The following ANK1 variants were observed in gnomAD, a reference collection of about 807,000 sequenced individuals.
ANK1 encodes the protein ankyrin-1.
In ANK1, 51 loss-of-function variants were observed where a neutral mutation model predicts 210.4. The observed-to-expected ratio is 0.24, with a 90% CI of 0.19 to 0.31. ANK1 has a LOEUF of 0.31. ANK1 is among the 10% of genes least tolerant of loss of function. ANK1 has a pLI of 1.00. For missense variants in ANK1, 2,051 were observed against 2,504.4 expected (o/e 0.82, Z 3.86); for synonymous variants, 967 against 1,025.9 (o/e 0.94, Z 1.10).
chr8:41,693,979 G>A lies in ANK1; in HGVS notation c.3451C>T (p.Leu1151=). ...FHRPIGLRIP[L]PPSWTDNPRD... ...GGGTTGTCGGTCCAGGAAGGAGGTA[G>A]TGGGATCCGAAGCCCAATGGGGCGG... is the stretch of plus-strand genomic sequence containing the variant. Residue 1151 remains leucine (L), a synonymous_variant, in exon 29 of 43, where the codon CTA becomes TTA. Coordinates refer to ENST00000289734, the MANE Select transcript of ANK1 (RefSeq NM_000037.4). 6.2e-7 allele frequency: 1 copy of A among 1,614,158 alleles called. No individual in the cohort carries two copies. Among genetic ancestry groups the A allele is most frequent in the Non-Finnish European group, 8.5e-7 (1 of 1,180,034 alleles).
intron 1 of ANK1, among the ~76,000 whole-genome samples, chr8:41,887,797 A>G (rs1818719837): frequency 6.6e-6 from 1 of 152,256 alleles, no homozygotes; most frequent in Non-Finnish European, 1.5e-5. Flanking sequence ...TCCTATTTTC[A>G]ATTAAAAGAA....
At chr8:41,896,315 G>T (rs1438347799) in intron 1 of ANK1, 1 of 1,576,392 alleles carries the variant, frequency 6.3e-7, no homozygotes, top group Non-Finnish European at 8.6e-7. Flanking sequence ...CCACTTGCAG[G>T]TGCCGCGGTC....
chr8:41,715,210 C>A, intron 14 of ANK1, 136 bp from the exon 15 acceptor site: 1 of 800,646 alleles, frequency 1.2e-6, no homozygotes, highest in African/African-American at 1.7e-5. Context: ...ATTTTTGAGC[C>A]CTCTGGGAGG....
chr8:41,889,843 T>G (rs907975787), intron 1 of ANK1, among the ~76,000 whole-genome samples: 1 of 152,234 alleles, frequency 6.6e-6, no homozygotes, highest in Non-Finnish European at 1.5e-5. Context: ...CAATAAAGCT[T>G]GCAAGTATCT....
chr8:41,686,323 T>C (rs1299742502), intron 35 of ANK1, 40 bp from the exon 36 acceptor site: 1 of 1,611,924 alleles, frequency 6.2e-7, no homozygotes, highest in Admixed American at 1.7e-5. Context: ...AGCCTCCAGC[T>C]CACCAACAGC....
intron 1 of ANK1, among the ~76,000 whole-genome samples, chr8:41,803,043 G>T (rs199737194): frequency 1.7e-5 from 1 of 58,622 alleles, no homozygotes; most frequent in Non-Finnish European, 3.4e-5. Flanking sequence ...GAAAGAAAGA[G>T]AAAGAAAGAA....
chr8:41,736,416 G>A (rs1007004109), intron 2 of ANK1, among the ~76,000 whole-genome samples: 2 of 152,234 alleles, frequency 1.3e-5, no homozygotes, highest in South Asian at 2.1e-4. Flanking sequence ...TTCTGCAAGC[G>A]CTCTTCCAAC....
intron 1 of ANK1, among the ~76,000 whole-genome samples, chr8:41,776,789 A>G (rs1331617686): frequency 1.3e-5 from 2 of 152,258 alleles, no homozygotes; most frequent in Non-Finnish European, 1.5e-5. Flanking sequence ...ACTTAACAAC[A>G]GGAAGACAGG....
chr8:41,713,540 C>T (rs1189397454), intron 16 of ANK1, among the ~76,000 whole-genome samples: 3 of 152,240 alleles, frequency 2.0e-5, no homozygotes, highest in African/African-American at 7.2e-5. Flanking sequence ...CAATGTGTCT[C>T]ACATTCAGGT....
At chr8:41,776,341 C>T (rs551101372) in intron 1 of ANK1, among the ~76,000 whole-genome samples, 12 of 152,222 alleles carry the variant, frequency 7.9e-5, no homozygotes, top group African/African-American at 2.4e-4. Context: ...TGAACTAGGC[C>T]CTCCAGGGTT....
intron 16 of ANK1, among the ~76,000 whole-genome samples, chr8:41,711,559 C>T (rs1826135907): frequency 6.6e-6 from 1 of 152,204 alleles, no homozygotes; most frequent in Non-Finnish European, 1.5e-5. Flanking sequence ...GGCCCAGGAC[C>T]CTGGTGAACA....
intron 1 of ANK1, among the ~76,000 whole-genome samples, chr8:41,848,129 G>A (rs964206906): frequency 6.6e-6 from 1 of 151,798 alleles, no homozygotes. Flanking sequence ...AGGTTGCAGT[G>A]AGCTGAGATC....
intron 1 of ANK1, among the ~76,000 whole-genome samples, chr8:41,865,774 C>G (rs1814308244): frequency 6.6e-6 from 1 of 152,152 alleles, no homozygotes; most frequent in Non-Finnish European, 1.5e-5. Context: ...TCTTCCCATC[C>G]TCCTCCCACT....
At chr8:41,835,709 C>T (rs1183137748) in intron 1 of ANK1, among the ~76,000 whole-genome samples, 2 of 152,234 alleles carry the variant, frequency 1.3e-5, no homozygotes, top group South Asian at 2.1e-4. Flanking sequence ...GAAAAGGATT[C>T]AAAGACAGAA....
chr8:41,806,735 A>T (rs1404212006), intron 1 of ANK1, among the ~76,000 whole-genome samples: 4 of 152,056 alleles, frequency 2.6e-5, no homozygotes, highest in Non-Finnish European at 4.4e-5. Context: ...ACAGAGCTAG[A>T]CTCTGTCTCA....
At chr8:41,728,803 T>C (rs151030994) in intron 3 of ANK1, among the ~76,000 whole-genome samples, 23 of 152,378 alleles carry the variant, frequency 1.5e-4, no homozygotes, top group African/African-American at 5.5e-4. Context: ...TAATCTGCTG[T>C]GTGCGTGCAG....
At chr8:41,784,866 G>A (rs879489296) in intron 1 of ANK1, among the ~76,000 whole-genome samples, 5 of 152,300 alleles carry the variant, frequency 3.3e-5, no homozygotes, top group East Asian at 3.9e-4. Flanking sequence ...ACAAATCAGC[G>A]TTTCTTGAAG....
rs1274519791 is a variant in ANK1, at chr8:41,703,420, G to A, written c.2295+621C>T. Among the ~76,000 whole-genome samples, 312 of 51,060 alleles carry A rather than the reference G, an allele frequency of 6.1e-3. 3 individuals carry two copies. The highest frequency in any genetic ancestry group is 0.013 in the African/African-American group (228 of 16,940). The allele number at this position is 51,060 out of a possible 152,430, so 33.5% of individuals were successfully genotyped here. ...TGTATATGTGTGTGTGTGTGTGTGTGTGTATATATATATATATATATATAT... is the reference window on the plus strand; with the variant it reads ...TGTATATGTGTGTGTGTGTGTGTGTATGTATATATATATATATATATATAT... On this transcript the variant is annotated intron_variant, in intron 20 of 42. Coordinates refer to ENST00000289734, the MANE Select transcript of ANK1 (RefSeq NM_000037.4).
At chr8:41,723,300 G>T in intron 8 of ANK1, 77 bp from the exon 9 acceptor site, 1 of 1,478,288 alleles carries the variant, frequency 6.8e-7, no homozygotes, top group Non-Finnish European at 9.4e-7. Flanking sequence ...ACTGCCTATG[G>T]CATCATCCCA....
Sources: gnomAD v4.1 joint callset for allele counts (sites outside exome capture counted in the v4.1 genomes callset) on GRCh38, gnomAD v4.1.1 for gene constraint, MANE v1.5 for transcripts, NCBI Gene and HGNC (gene_info 2026-07-23, HGNC 2026-07-21) for gene names.